C12orf42: variants seen among roughly 807,000 people sequenced by gnomAD.
The protein encoded by C12orf42 is chromosome 12 open reading frame 42.
In C12orf42, 25 loss-of-function variants were observed where a neutral mutation model predicts 21.6. The observed-to-expected ratio is 1.16, with a 90% CI of 0.84 to 1.62. The LOEUF is 1.62. Among genes scored for constraint, C12orf42 ranks in the 40% most tolerant of loss-of-function variants. C12orf42 has a pLI of 0.00. For synonymous variants in C12orf42, 174 were observed against 175.0 expected, an observed-to-expected ratio of 0.99 and a Z score of 0.05; for missense variants, 483 against 459.3, an observed-to-expected ratio of 1.05 and a Z score of -0.47.
chr12:103,063,988 G>A, the C12orf42 span, among the ~76,000 whole-genome samples: 2 of 152,136 alleles, frequency 1.3e-5, no homozygotes, highest in Admixed American at 1.3e-4. Flanking sequence ...TTGGTTAGCT[G>A]AAATATGAAT....
At chr12:103,052,173 G>A in the C12orf42 span, among the ~76,000 whole-genome samples, 1 of 151,820 alleles carries the variant, frequency 6.6e-6, no homozygotes, top group Non-Finnish European at 1.5e-5. Context: ...GTCTTTTTCT[G>A]TATATATGTA....
the C12orf42 span, among the ~76,000 whole-genome samples, chr12:103,190,791 T>C: frequency 6.6e-6 from 1 of 152,056 alleles, no homozygotes; most frequent in East Asian, 1.9e-4. Flanking sequence ...CCAATGTACA[T>C]ATTATGGAAT....
At chr12:103,367,213 A>G (rs922623586) in intron 4 of C12orf42, among the ~76,000 whole-genome samples, 1 of 152,090 alleles carries the variant, frequency 6.6e-6, no homozygotes, top group African/African-American at 2.4e-5. Flanking sequence ...CAAACGTCGT[A>G]TGTTCTCACT....
chr12:103,533,832 C>T, the C12orf42 span, among the ~76,000 whole-genome samples: 1 of 152,304 alleles, frequency 6.6e-6, no homozygotes, highest in African/African-American at 2.4e-5. Context: ...AACGATAGCA[C>T]TTTCATGGGC....
the C12orf42 span, among the ~76,000 whole-genome samples, chr12:103,090,550 C>A: frequency 3.8e-4 from 58 of 152,294 alleles, no homozygotes; most frequent in Admixed American, 1.2e-3. Context: ...TCATAGAAGA[C>A]ATTAAGCATG....
chr12:103,351,320 T>C (rs1475486525), intron 4 of C12orf42, among the ~76,000 whole-genome samples: 3 of 152,134 alleles, frequency 2.0e-5, no homozygotes, highest in African/African-American at 7.2e-5. Flanking sequence ...ACTGTTTCTG[T>C]ACCTCACTTC....
chr12:103,381,289 A>G (rs780732042), intron 3 of C12orf42, among the ~76,000 whole-genome samples: 1 of 152,206 alleles, frequency 6.6e-6, no homozygotes, highest in Non-Finnish European at 1.5e-5. Flanking sequence ...TTAGAGAAGT[A>G]TGGAATGTTC....
At chr12:103,379,469 G>A (rs969613126) in intron 3 of C12orf42, among the ~76,000 whole-genome samples, 2 of 152,086 alleles carry the variant, frequency 1.3e-5, no homozygotes, top group African/African-American at 4.8e-5. Flanking sequence ...ATACTAACTT[G>A]GGAGGAAATG....
downstream of C12orf42, among the ~76,000 whole-genome samples, chr12:103,264,633 A>G (rs1330586634): frequency 6.6e-6 from 1 of 152,188 alleles, no homozygotes; most frequent in Admixed American, 6.5e-5. Context: ...ACAAATAATA[A>G]GTTAGCAAGT....
chr12:103,507,194 T>A, the C12orf42 span, among the ~76,000 whole-genome samples: 1 of 36,868 alleles, frequency 2.7e-5, no homozygotes, highest in African/African-American at 1.7e-4. Flanking sequence ...ATAATATATA[T>A]ATATTTATAT....
At chr12:103,146,551 TAAAGAAAGAAAAG>T in the C12orf42 span, among the ~76,000 whole-genome samples, 31 of 39,358 alleles carry the variant, frequency 7.9e-4, no homozygotes, top group Non-Finnish European at 1.2e-3. Flanking sequence ...GAAAGAGAAA[TAAAGAAAGAAAAG>T]AAAGAAAGAA....
intron 4 of C12orf42, among the ~76,000 whole-genome samples, chr12:103,352,469 A>C (rs1313861680): frequency 6.6e-6 from 1 of 152,080 alleles, no homozygotes; most frequent in East Asian, 1.9e-4. Context: ...TGCTCCCTCT[A>C]TCCCTTTCTC....
the C12orf42 span, among the ~76,000 whole-genome samples, chr12:103,133,165 C>T: frequency 3.2e-3 from 487 of 152,294 alleles, 2 homozygotes; most frequent in African/African-American, 9.9e-3. Context: ...CCTGCTACTA[C>T]CACCACAGCG....
the C12orf42 span, among the ~76,000 whole-genome samples, chr12:103,202,621 C>T: frequency 5.9e-5 from 9 of 152,114 alleles, no homozygotes; most frequent in Non-Finnish European, 2.9e-5. Context: ...TTTTCTGTGC[C>T]GTAAGTCTTA....
the C12orf42 span, among the ~76,000 whole-genome samples, chr12:103,160,011 A>G: frequency 6.6e-6 from 1 of 152,222 alleles, no homozygotes; most frequent in Non-Finnish European, 1.5e-5. Context: ...AGGTGGAACA[A>G]CAGGGCACAC....
At chr12:103,094,027 G>A in the C12orf42 span, among the ~76,000 whole-genome samples, 1 of 152,186 alleles carries the variant, frequency 6.6e-6, no homozygotes, top group Admixed American at 6.5e-5. Context: ...GGCTAGATAT[G>A]AGAGGGATCT....
chr12:103,147,503 C>CTTTTTTTTTTTTTTTTTTTTTT, the C12orf42 span, among the ~76,000 whole-genome samples: 3 of 99,964 alleles, frequency 3.0e-5, no homozygotes, highest in African/African-American at 4.0e-5. Context: ...CTTTTTTTTT[C>CTTTTTTTTTTTTTTTTTTTTTT]TTTTTTTTTT....
intron 3 of C12orf42, among the ~76,000 whole-genome samples, chr12:103,372,122 G>T (rs1016344633): frequency 1.3e-5 from 2 of 152,026 alleles, no homozygotes; most frequent in Admixed American, 1.3e-4. Context: ...GCCGTTTCCT[G>T]TCAACCTCAC....
the C12orf42 span, among the ~76,000 whole-genome samples, chr12:103,086,113 G>A: frequency 6.6e-6 from 1 of 151,978 alleles, no homozygotes; most frequent in African/African-American, 2.4e-5. Flanking sequence ...CAATCTATTT[G>A]CTTTTTAGAA....
Sources: allele counts gnomAD v4.1 joint callset (sites outside exome capture counted in the v4.1 genomes callset), GRCh38; gene constraint gnomAD v4.1.1; transcripts MANE v1.5; gene names NCBI Gene and HGNC (gene_info 2026-07-23, HGNC 2026-07-21).